EAF2: variants seen among roughly 807,000 people sequenced by gnomAD.
The protein encoded by EAF2 is ELL-associated factor 2.
A neutral mutation model predicts 29.4 loss-of-function variants in EAF2; 29 were observed. That is an observed-to-expected ratio of 0.99 (90% CI 0.73 to 1.35). The LOEUF (loss-of-function observed/expected upper bound fraction) is 1.35. EAF2 is among the 40% of genes most tolerant of loss of function. EAF2 has a pLI of 0.00. For missense variants in EAF2, 292 were observed against 312.0 expected, an observed-to-expected ratio of 0.94 and a Z score of 0.48; for synonymous variants, 103 against 102.5, an observed-to-expected ratio of 1.00 and a Z score of -0.03.
At chr3:121,884,714 CG>C (rs1289915725) in intron 5 of EAF2, among the ~76,000 whole-genome samples, 5 of 95,658 alleles carry the variant, frequency 5.2e-5, no homozygotes, top group East Asian at 9.7e-4. Context: ...CGTGAGCCAC[CG>C]CGTGCCCGAC....
At chr3:121,836,603 G>T (rs1429380717) in intron 1 of EAF2, 1 of 980,830 alleles carries the variant, frequency 1.0e-6, no homozygotes, top group Non-Finnish European at 1.2e-6. Flanking sequence ...CTTCAACAGT[G>T]TCCCTTGTTT....
At chr3:121,873,124 T>C in intron 5 of EAF2, 2 of 670,192 alleles carry the variant, frequency 3.0e-6, no homozygotes, top group Non-Finnish European at 5.3e-6. Context: ...ACTTCCTCCA[T>C]GTTTCTGTTG....
chr3:121,851,796 C>A (rs1016206707), intron 2 of EAF2, among the ~76,000 whole-genome samples: 1 of 152,186 alleles, frequency 6.6e-6, no homozygotes, highest in East Asian at 1.9e-4. Context: ...AGGTGAATGA[C>A]GATTGAAGGT....
In EAF2 at chr3:121,875,457, AG is replaced by A. The variant is rs1174019647; in HGVS notation, c.736+2671del. Among the ~76,000 whole-genome samples, 4 of 152,100 alleles carry A rather than the reference AG, an allele frequency of 2.6e-5. No individual in the cohort carries two copies. In the East Asian group the frequency reaches 7.7e-4, roughly 29 times the overall value. On this transcript the variant is annotated intron_variant, in intron 5 of 5. Coordinates refer to ENST00000273668, the MANE Select transcript of EAF2 (RefSeq NM_018456.6). Reference sequence around the variant, plus strand: ...ACCTGTTTCTGGTAATGGAGCTCAGAGGACTAGGTGGAACGAACTACAAAAC... The same window carrying A: ...ACCTGTTTCTGGTAATGGAGCTCAGAGACTAGGTGGAACGAACTACAAAAC...
intron 5 of EAF2, among the ~76,000 whole-genome samples, chr3:121,876,518 T>C (rs1047984765): frequency 1.3e-5 from 2 of 151,956 alleles, no homozygotes; most frequent in Non-Finnish European, 2.9e-5. Context: ...ACTATAAAGA[T>C]AACAAGTCTG....
At chr3:121,853,937 A>G (rs528122324) in intron 2 of EAF2, among the ~76,000 whole-genome samples, 30 of 152,196 alleles carry the variant, frequency 2.0e-4, no homozygotes, top group Non-Finnish European at 4.1e-4. Flanking sequence ...GGTTTAGTGT[A>G]AGAGGTGTTC....
intron 4 of EAF2, 113 bp downstream of exon 4, chr3:121,857,269 G>A (rs1342492703): frequency 1.8e-5 from 15 of 823,962 alleles, no homozygotes; most frequent in Non-Finnish European, 2.2e-5. Flanking sequence ...CGAGGCAGGC[G>A]GATCATGAGG....
At chr3:121,879,864 T>A (rs1709162917) in intron 5 of EAF2, among the ~76,000 whole-genome samples, 1 of 152,200 alleles carries the variant, frequency 6.6e-6, no homozygotes, top group Non-Finnish European at 1.5e-5. Context: ...GCTTTGGCTA[T>A]TTGGCATCAT....
chr3:121,847,675 T>G (rs1278620657), intron 2 of EAF2, among the ~76,000 whole-genome samples: 2 of 151,952 alleles, frequency 1.3e-5, no homozygotes, highest in Non-Finnish European at 2.9e-5. Context: ...AGGAGAAGGG[T>G]TCTGTGCTCC....
chr3:121,862,713 T>A (rs1708854957), intron 4 of EAF2, among the ~76,000 whole-genome samples: 1 of 152,250 alleles, frequency 6.6e-6, no homozygotes, highest in Non-Finnish European at 1.5e-5. Context: ...TTTATTCCAT[T>A]GCTGGCGAGG....
At chr3:121,875,114 A>C (rs1344360197) in intron 5 of EAF2, among the ~76,000 whole-genome samples, 2 of 151,892 alleles carry the variant, frequency 1.3e-5, no homozygotes, top group Non-Finnish European at 2.9e-5. Context: ...TAGTTTTAAT[A>C]GTTTAAATGT....
At chr3:121,845,623 C>T (rs1028123762) in intron 2 of EAF2, among the ~76,000 whole-genome samples, 3 of 151,920 alleles carry the variant, frequency 2.0e-5, no homozygotes, top group Non-Finnish European at 4.4e-5. Flanking sequence ...AGAGAGGTAA[C>T]ATGATTAGAT....
Position 121,886,228 on chromosome 3 carries a change from T to C in EAF2, c.737-114T>C, listed in dbSNP as rs897718601. The C allele has an allele frequency of 1.6e-5, 8 of 515,816 alleles. No individual in the cohort carries two copies. The East Asian group carries it at 2.8e-4, about 18-fold the overall frequency. 32.0% of individuals were successfully genotyped at this position (515,816 alleles called of 1,614,324 possible). On this transcript the variant is annotated intron_variant, in intron 5 of 5. Coordinates refer to ENST00000273668, the MANE Select transcript of EAF2 (RefSeq NM_018456.6). Reference sequence around the variant, plus strand: ...TCACTGAATTACAGAATAAGCAAAATACTAGGTAAACAGAATCACGCTTGG... The same window carrying C: ...TCACTGAATTACAGAATAAGCAAAACACTAGGTAAACAGAATCACGCTTGG...
chr3:121,859,445 G>C (rs549332783), intron 4 of EAF2, among the ~76,000 whole-genome samples: 7 of 152,092 alleles, frequency 4.6e-5, no homozygotes, highest in Non-Finnish European at 8.8e-5. Flanking sequence ...GTGAATGGGA[G>C]TTCACTCATG....
intron 1 of EAF2, among the ~76,000 whole-genome samples, chr3:121,841,504 C>CAAAAAAAAA (rs57868658): frequency 1.4e-3 from 37 of 25,924 alleles, no homozygotes; most frequent in African/African-American, 2.0e-3. Context: ...GACCCTGTCT[C>CAAAAAAAAA]AAAAAAAAAA....
At chr3:121,859,830 T>C (rs920186644) in intron 4 of EAF2, among the ~76,000 whole-genome samples, 15 of 152,234 alleles carry the variant, frequency 9.9e-5, no homozygotes, top group Non-Finnish European at 1.0e-4. Flanking sequence ...GCTCTTATTA[T>C]TTTGAGATAC....
rs1369267238 is a variant in EAF2 at position 121,848,397 on chromosome 3, T to C, written c.201+3850T>C. ...ATATACTTTGCTAATATTTTAATGGTATAGATCTGCTAATGAATTCTCTTA... is the reference window on the plus strand; with the variant it reads ...ATATACTTTGCTAATATTTTAATGGCATAGATCTGCTAATGAATTCTCTTA... On this transcript the variant is annotated intron_variant, in intron 2 of 5. Transcript: ENST00000273668. Among the ~76,000 whole-genome samples, 5 of 152,338 alleles carry C rather than the reference T, an allele frequency of 3.3e-5. No individual in the cohort carries two copies. In the East Asian group the frequency reaches 9.6e-4, roughly 29 times the overall value.
intron 4 of EAF2, among the ~76,000 whole-genome samples, chr3:121,862,499 G>A (rs974845920): frequency 2.0e-5 from 3 of 152,124 alleles, no homozygotes; most frequent in African/African-American, 4.8e-5. Flanking sequence ...CGTAGTTCTC[G>A]TGCCACGGTT....
intron 3 of EAF2, among the ~76,000 whole-genome samples, chr3:121,856,108 C>T (rs1398339819): frequency 6.6e-6 from 1 of 152,140 alleles, no homozygotes; most frequent in East Asian, 1.9e-4. Flanking sequence ...TTATACTACA[C>T]TCTTCTTAAA....
Sources: gnomAD v4.1 joint callset for allele counts (sites outside exome capture counted in the v4.1 genomes callset) on GRCh38, gnomAD v4.1.1 for gene constraint, MANE v1.5 for transcripts, NCBI Gene and HGNC (gene_info 2026-07-23, HGNC 2026-07-21) for gene names.